The following ZNF33A variants were observed in gnomAD, a reference collection of about 807,000 sequenced individuals.
ZNF33A encodes the protein brain my041 protein.
A neutral mutation model predicts 15.9 loss-of-function variants in ZNF33A; 9 were observed. The ratio of observed to expected loss-of-function variants is 0.57; its 90% CI spans 0.34 to 0.99. The LOEUF (loss-of-function observed/expected upper bound fraction) is 0.99, where lower values mean the gene tolerates loss of function less well. Ranked by LOEUF, ZNF33A falls within the 50% of genes least tolerant of loss-of-function variation. The pLI, the probability that ZNF33A is intolerant of heterozygous loss-of-function variation, is 0.02. For missense variants in ZNF33A, 843 were observed against 941.6 expected, an observed-to-expected ratio of 0.90 and a Z score of 1.37; for synonymous variants, 294 against 324.2, an observed-to-expected ratio of 0.91 and a Z score of 1.00.
chr10:38,057,527 A>C lies in ZNF33A; in HGVS notation c.*967A>C. The C allele has an allele frequency of 1.0e-6, 1 of 985,470 alleles. No homozygotes were observed. The highest frequency in any genetic ancestry group is 1.2e-6 in the Non-Finnish European group (1 of 829,924). The allele number at this position is 985,470 out of a possible 1,614,324, so 61.0% of individuals were successfully genotyped here. On this transcript the variant is annotated 3_prime_UTR_variant, in exon 5 of 5. Transcript: ENST00000432900. ...GGTATCCTAGTTTAGTAGTGGTTAC[A>C]TTATCAGGCCCATCCCAGATGTTTG...
rs1048856 is a variant in ZNF33A, at chr10:38,059,424, A to C, written c.*2864A>C. On this transcript the variant is annotated 3_prime_UTR_variant, in exon 5 of 5. Transcript: ENST00000432900. The stretch of plus-strand genomic sequence containing the variant: ...GAAAGGATGAAATACAACTTTGTTC[A>C]CAAGTAACATGATTGTCTTTGTAGA... 1 of 152,250 alleles carries C rather than the reference A, an allele frequency of 6.6e-6. No individual in the cohort carries two copies. Among genetic ancestry groups the C allele is most frequent in the African/African-American group, 2.4e-5 (1 of 41,468 alleles). 9.4% of individuals were successfully genotyped at this position (152,250 alleles called of 1,614,324 possible). A position where few individuals can be genotyped will look rare whatever the true frequency, so the allele number is the denominator to read the frequency against.
downstream of ZNF33A, among the ~76,000 whole-genome samples, chr10:38,062,665 G>A (rs573176413): frequency 1.3e-5 from 2 of 152,108 alleles, no homozygotes; most frequent in Non-Finnish European, 2.9e-5. Context: ...CTATGGTGGT[G>A]CCACTGCACT....
upstream of ZNF33A, chr10:38,010,670 T>C: frequency 6.3e-7 from 1 of 1,583,444 alleles, no homozygotes; most frequent in South Asian, 1.1e-5. Flanking sequence ...GCCGGCTACG[T>C]CTGCGTTTCC....
rs992859810 is a variant in ZNF33A, at chr10:38,054,602, A to T, written c.478A>T (p.Ile160Leu). Residue 160 changes from isoleucine (I) to leucine (L), a missense_variant, in exon 5 of 5, where the codon ATA (isoleucine) becomes TTA (leucine). Coordinates refer to ENST00000432900, the MANE Select transcript of ZNF33A (RefSeq NM_006954.2). Reference sequence around the variant, plus strand: ...TGTTTCAGAATTGGTTATCAGTAAGATAAACTATTTAGGAAAAAAGTCTGA... The same window carrying T: ...TGTTTCAGAATTGGTTATCAGTAAGTTAAACTATTTAGGAAAAAAGTCTGA... The part of the protein sequence containing the change: ...NTVSELVISK[I>L]NYLGKKSDEF... 4 of 1,612,268 alleles carry T rather than the reference A, an allele frequency of 2.5e-6. No homozygotes were observed. The highest frequency in any genetic ancestry group is 3.4e-6 in the Non-Finnish European group (4 of 1,179,468).
At chr10:38,014,188 C>T (rs538110811) in intron 2 of ZNF33A, among the ~76,000 whole-genome samples, 7 of 151,872 alleles carry the variant, frequency 4.6e-5, no homozygotes, top group South Asian at 2.1e-4. Flanking sequence ...ATTACAGGCA[C>T]GCGCCATCAC....
In ZNF33A at chr10:38,017,322, C is replaced by T. The variant is rs200514214; in HGVS notation, c.186C>T (p.Phe62=). The T allele has an allele frequency of 6.2e-7, 1 of 1,614,020 alleles. No individual in the cohort carries two copies. Residue 62 remains phenylalanine, a synonymous_variant, in exon 4 of 5, where the codon TTC becomes TTT. Transcript: ENST00000432900. ...GTGTTCACAAACCAGAGGTGATCTT[C>T]AGGCTGCAACAAGGAGAAGAGCCAT... is the stretch of plus-strand genomic sequence containing the variant. ...GYCVHKPEVI[F]RLQQGEEPWK...
intron 4 of ZNF33A, among the ~76,000 whole-genome samples, chr10:38,039,023 G>T (rs1322021329): frequency 6.6e-6 from 1 of 152,034 alleles, no homozygotes; most frequent in Non-Finnish European, 1.5e-5. Context: ...ATGACACATG[G>T]ATCTGTATTT....
At chr10:38,015,033 T>C (rs539020609) in intron 2 of ZNF33A, among the ~76,000 whole-genome samples, 31 of 152,138 alleles carry the variant, frequency 2.0e-4, no homozygotes, top group African/African-American at 7.5e-4. Context: ...CCACCACACC[T>C]GGCTAATGTT....
Position 38,010,752 on chromosome 10 carries a change from C to G in ZNF33A, c.-76C>G. 2 of 1,598,438 alleles carry G rather than the reference C, an allele frequency of 1.3e-6. No individual in the cohort carries two copies. Among genetic ancestry groups the G allele is most frequent in the Non-Finnish European group, 1.7e-6 (2 of 1,179,802 alleles). ...GGATTTCAAGGGTCTACGCGCTTTTCTATGGCGAATGCAACCCGACGAGGG... is the reference window on the plus strand; with the variant it reads ...GGATTTCAAGGGTCTACGCGCTTTTGTATGGCGAATGCAACCCGACGAGGG... On this transcript the variant is annotated 5_prime_UTR_variant, in exon 1 of 5. Transcript: ENST00000432900.
intron 4 of ZNF33A, among the ~76,000 whole-genome samples, chr10:38,037,690 A>G (rs2065513279): frequency 6.6e-6 from 1 of 152,174 alleles, no homozygotes; most frequent in Admixed American, 6.5e-5. Flanking sequence ...AACATAATAT[A>G]TAGTAGTGTT....
chr10:38,022,494 T>TA, intron 4 of ZNF33A, among the ~76,000 whole-genome samples: 1 of 151,918 alleles, frequency 6.6e-6, no homozygotes, highest in East Asian at 1.9e-4. Flanking sequence ...CCGTCTCTAC[T>TA]AAAAATACAA....
In ZNF33A at chr10:38,054,455, A is replaced by T. The variant is rs752198503; in HGVS notation, c.331A>T (p.Asn111Tyr). 4 of 1,609,870 alleles carry T rather than the reference A, an allele frequency of 2.5e-6. No individual in the cohort carries two copies. The highest frequency in any genetic ancestry group is 3.4e-6 in the Non-Finnish European group (4 of 1,178,846). The change falls in exon 5 of 5, where the codon AAT becomes TAT. Residue 111 changes from asparagine (N) to tyrosine (Y), a missense_variant. Coordinates refer to ENST00000432900, the MANE Select transcript of ZNF33A (RefSeq NM_006954.2). Reference sequence around the variant, plus strand: ...TTTGTGGGAAGTTGTATTCATCAATAATGAAATGCTGACTAAGGAACAAGG... The same window carrying T: ...TTTGTGGGAAGTTGTATTCATCAATTATGAAATGCTGACTAAGGAACAAGG... ...KHLWEVVFIN[N>Y]EMLTKEQGDV...
At chr10:38,043,331 A>G (rs2065791492) in intron 4 of ZNF33A, among the ~76,000 whole-genome samples, 1 of 126,310 alleles carries the variant, frequency 7.9e-6, no homozygotes, top group Non-Finnish European at 1.6e-5. Context: ...GAAACATCAC[A>G]CACCAGGGAC....
At chr10:38,028,353 T>C (rs1200104837) in intron 4 of ZNF33A, among the ~76,000 whole-genome samples, 1 of 152,166 alleles carries the variant, frequency 6.6e-6, no homozygotes, top group Non-Finnish European at 1.5e-5. Context: ...TCAATTATCA[T>C]TTAAACTAAT....
At chr10:38,018,679 A>G (rs2064579936) in intron 4 of ZNF33A, among the ~76,000 whole-genome samples, 1 of 152,196 alleles carries the variant, frequency 6.6e-6, no homozygotes, top group Admixed American at 6.5e-5. Context: ...TAGCTTAGAC[A>G]GAGCCGGAAG....
downstream of ZNF33A, among the ~76,000 whole-genome samples, chr10:38,060,867 G>T (rs181268439): frequency 2.3e-4 from 35 of 152,182 alleles, no homozygotes; most frequent in Admixed American, 2.1e-3. Flanking sequence ...GGTGAGTGTC[G>T]CATCTCTTCC....
At chr10:38,012,768 A>C (rs1313638993) in intron 2 of ZNF33A, among the ~76,000 whole-genome samples, 1 of 152,126 alleles carries the variant, frequency 6.6e-6, no homozygotes, top group African/African-American at 2.4e-5. Flanking sequence ...TTAGTAATAG[A>C]TAAAAATTGA....
In ZNF33A at chr10:38,055,112, G is replaced by C. The variant is rs2066403985; in HGVS notation, c.988G>C (p.Glu330Gln). Reference sequence around the variant, plus strand: ...AGGTGATAAAGGAGAGAAACACTTTGAATGTAATGAATGTGGGAAAGCTTT... The same window carrying C: ...AGGTGATAAAGGAGAGAAACACTTTCAATGTAATGAATGTGGGAAAGCTTT... ...QKGDKGEKHFECNECGKAFWE... is the reference protein window; with the variant it reads ...QKGDKGEKHFQCNECGKAFWE... The change falls in exon 5 of 5, where the codon GAA becomes CAA. Residue 330 changes from glutamate to glutamine, a missense_variant. Transcript: ENST00000432900. 1 of 1,614,068 alleles carries C rather than the reference G, an allele frequency of 6.2e-7. No individual in the cohort carries two copies. The highest frequency in any genetic ancestry group is 8.5e-7 in the Non-Finnish European group (1 of 1,179,980).
At chr10:38,050,347 GCAGT>G (rs1232126717) in intron 4 of ZNF33A, among the ~76,000 whole-genome samples, 2 of 152,218 alleles carry the variant, frequency 1.3e-5, no homozygotes, top group Non-Finnish European at 2.9e-5. Context: ...CATTTGAAAA[GCAGT>G]CAGTGTAATT....
Sources: gnomAD v4.1 joint callset for allele counts (sites outside exome capture counted in the v4.1 genomes callset) on GRCh38, gnomAD v4.1.1 for gene constraint, MANE v1.5 for transcripts, NCBI Gene and HGNC (gene_info 2026-07-23, HGNC 2026-07-21) for gene names.